The following MPHOSPH9 variants were observed in gnomAD, a reference collection of about 807,000 sequenced individuals.
The protein encoded by MPHOSPH9 is M-phase phosphoprotein 9.
In MPHOSPH9, 88 loss-of-function variants were observed where a neutral mutation model predicts 145.5. The observed-to-expected ratio is 0.60, with a 90% CI of 0.51 to 0.72. The LOEUF is 0.72. Ranked by LOEUF, MPHOSPH9 falls within the 30% of genes least tolerant of loss-of-function variation. MPHOSPH9 has a pLI of 0.00. For missense variants in MPHOSPH9, 1,238 were observed against 1,386.6 expected (o/e 0.89, Z 1.70); for synonymous variants, 435 against 486.2 (o/e 0.89, Z 1.39).
intron 17 of MPHOSPH9, 141 bp from the exon 18 acceptor site, chr12:123,165,618 A>G (rs971332772): frequency 1.2e-5 from 9 of 742,958 alleles, no homozygotes; most frequent in Admixed American, 8.3e-5. Context: ...CGAGGTAATT[A>G]GGGTTGGATG....
At chr12:123,203,460 T>C (rs2046304719) in intron 8 of MPHOSPH9, 85 bp from the exon 9 acceptor site, 9 of 1,253,712 alleles carry the variant, frequency 7.2e-6, no homozygotes, top group African/African-American at 4.5e-5. Context: ...AAAAAGATTT[T>C]TGAAAGACTT....
At chr12:123,213,437 T>G (rs887734733) in intron 7 of MPHOSPH9, among the ~76,000 whole-genome samples, 15 of 152,210 alleles carry the variant, frequency 9.9e-5, no homozygotes, top group African/African-American at 3.6e-4. Context: ...CCTCCCAGAC[T>G]CAAGCAATCT....
intron 8 of MPHOSPH9, among the ~76,000 whole-genome samples, chr12:123,204,053 C>T (rs1032328556): frequency 5.3e-5 from 8 of 152,038 alleles, no homozygotes; most frequent in African/African-American, 1.9e-4. Context: ...CCTATAATCC[C>T]AGCACTTCGG....
Position 123,173,187 on chromosome 12 carries a change from G to A in MPHOSPH9, c.2456+3501C>T, listed in dbSNP as rs145148538. ...CACCACGCCCAGCCTGCATTCACTC[G>A]AGTACCCTCTGAATGGGCTTCTACT... On this transcript the variant is annotated intron_variant, in intron 16 of 23. Transcript: ENST00000606320. Among the ~76,000 whole-genome samples the A allele has an allele frequency of 6.7e-3, 1,025 of 152,134 alleles. 7 individuals are homozygous for A. The highest frequency in any genetic ancestry group is 0.011 in the Non-Finnish European group (756 of 67,972).
At chr12:123,219,196 C>T (rs1391174744) in intron 5 of MPHOSPH9, among the ~76,000 whole-genome samples, 3 of 151,996 alleles carry the variant, frequency 2.0e-5, no homozygotes, top group Admixed American at 6.6e-5. Context: ...TGAGCCACTG[C>T]GCCCAGCCAG....
chr12:123,162,783 G>A (rs756624873), intron 20 of MPHOSPH9: 2 of 422,142 alleles, frequency 4.7e-6, no homozygotes, highest in Middle Eastern at 1.2e-3. Context: ...GCTGACAGGG[G>A]TGCTGAGGTG....
In MPHOSPH9 at chr12:123,221,596, C is replaced by CT. The variant is rs1438184995; in HGVS notation, c.647dup (p.Glu217GlyfsTer21). The CT allele has an allele frequency of 6.2e-7, 1 of 1,614,138 alleles. No individual in the cohort carries two copies. Among genetic ancestry groups the CT allele is most frequent in the Non-Finnish European group, 8.5e-7 (1 of 1,180,008 alleles). On this transcript the variant is annotated frameshift_variant, in exon 5 of 24. Coordinates refer to ENST00000606320, the MANE Select transcript of MPHOSPH9 (RefSeq NM_022782.4). LOFTEE classifies it high-confidence loss of function. ...GAACATCTATGTGCTCCATGAACTC[C>CT]TTAGGGTCTTTAGATTTGTACAGAT...
At chr12:123,170,566 G>GCCA (rs2044535058) in intron 16 of MPHOSPH9, among the ~76,000 whole-genome samples, 1 of 152,066 alleles carries the variant, frequency 6.6e-6, no homozygotes, top group Non-Finnish European at 1.5e-5. Flanking sequence ...ATAGACGTGA[G>GCCA]CCACCACACC....
intron 18 of MPHOSPH9, 80 bp from the exon 19 acceptor site, chr12:123,164,170 GTGGTTACACA>G: frequency 6.5e-7 from 1 of 1,545,096 alleles, no homozygotes; most frequent in Non-Finnish European, 8.9e-7. Flanking sequence ...TTATTAACAG[GTGGTTACACA>G]TGGTTACACA....
At position 123,162,161 on chromosome 12, in the gene MPHOSPH9, G is replaced by A; in HGVS notation, c.3087C>T (p.Thr1029=). 1 of 1,588,566 alleles carries A rather than the reference G, an allele frequency of 6.3e-7. No homozygotes were observed. The change falls in exon 21 of 24, where the codon ACC becomes ACT. Residue 1029 remains threonine, a synonymous_variant. Transcript: ENST00000606320. ...DTVPVSTLQR[T]NPRKQLQFLP... ...GAAACTGGAGTTGCTTTCTTGGATT[G>A]GTACGTTGTAATGTAGACACAGGAA...
rs766565652 is a variant in MPHOSPH9, at chr12:123,188,782, A to T, written c.2241+5604T>A. Among the ~76,000 whole-genome samples, 43 of 152,238 alleles carry T rather than the reference A, an allele frequency of 2.8e-4. 1 individual carries two copies. The highest frequency in any genetic ancestry group is 4.0e-4 in the Non-Finnish European group (27 of 68,042). On this transcript the variant is annotated intron_variant, in intron 13 of 23. Transcript: ENST00000606320. ...GGAATCGCTTGAACCTGGGAGGCAG[A>T]GGTTGCAGTGAGCCGAGATAGCGCC...
chr12:123,234,596 CA>C, upstream of MPHOSPH9, among the ~76,000 whole-genome samples: 1 of 152,066 alleles, frequency 6.6e-6, no homozygotes, highest in East Asian at 1.9e-4. Flanking sequence ...GGGGTTTTGC[CA>C]TATTGGCCAG....
intron 12 of MPHOSPH9, among the ~76,000 whole-genome samples, chr12:123,197,089 G>C (rs1394316140): frequency 7.0e-6 from 1 of 143,174 alleles, no homozygotes; most frequent in Non-Finnish European, 1.5e-5. Context: ...TGATTGTGGT[G>C]GTGGTTGCCC....
intron 13 of MPHOSPH9, among the ~76,000 whole-genome samples, chr12:123,192,690 A>G (rs2045742571): frequency 1.3e-5 from 2 of 151,044 alleles, no homozygotes; most frequent in South Asian, 2.1e-4. Flanking sequence ...ATGTAATTAC[A>G]GTATACCACC....
In MPHOSPH9 at chr12:123,181,115, T is replaced by C. The variant is rs377703399; in HGVS notation, c.2289+48A>G. ...TCAGATCCCTTGATTCCCAATCCAA[T>C]GTTTCTGCCTCTGCATGAAATCTAG... is the stretch of plus-strand genomic sequence containing the variant. On this transcript the variant is annotated intron_variant, in intron 14 of 23. Transcript: ENST00000606320. The C allele has an allele frequency of 1.7e-5, 26 of 1,523,100 alleles. 1 individual carries two copies. The highest frequency in any genetic ancestry group is 1.6e-4 in the South Asian group (14 of 88,792). The allele number at this position is 1,523,100 out of a possible 1,614,324, so 94.3% of individuals were successfully genotyped here. A position where few individuals can be genotyped will look rare whatever the true frequency, so the allele number is the denominator to read the frequency against.
intron 15 of MPHOSPH9, among the ~76,000 whole-genome samples, chr12:123,178,467 C>T (rs1308608448): frequency 6.6e-6 from 1 of 152,104 alleles, no homozygotes; most frequent in Non-Finnish European, 1.5e-5. Flanking sequence ...TACTTATATC[C>T]AAATACAAAC....
chr12:123,217,494 G>C (rs959301768), intron 6 of MPHOSPH9, among the ~76,000 whole-genome samples: 2 of 151,924 alleles, frequency 1.3e-5, no homozygotes, highest in Admixed American at 1.3e-4. Context: ...ACTTGGCCCA[G>C]CCTCAACTTT....
rs369046595 is a variant in MPHOSPH9, at chr12:123,209,447, C to T, written c.1194+609G>A. On this transcript the variant is annotated intron_variant, in intron 8 of 23. Transcript: ENST00000606320. ...TTGAGATGGAGTTGCACTCTCGTTG[C>T]CCAAGCTGGAGTGCAATGGCACAAT... 1.1e-4 allele frequency among the ~76,000 whole-genome samples: 17 copies of T among 152,086 alleles called. No individual in the cohort carries two copies. In the East Asian group the frequency reaches 2.7e-3, roughly 24 times the overall value.
Position 123,156,824 on chromosome 12 carries a change from T to A in MPHOSPH9, c.3535A>T (p.Thr1179Ser). The change falls in exon 24 of 24, where the codon ACC (threonine) becomes TCC (serine). Residue 1179 changes from threonine (T) to serine (S), a missense_variant. By Grantham distance (58) the Thr-to-Ser change is moderately conservative (BLOSUM62 1). Coordinates refer to ENST00000606320, the MANE Select transcript of MPHOSPH9 (RefSeq NM_022782.4). ...TACAAATCTCAAAGATTTGCAGAGG[T>A]GCGCAAAACATGGAATTTCTTTAGC... ...MTLKKFHVLR[T>S]SANL 4 of 1,611,712 alleles carry A rather than the reference T, an allele frequency of 2.5e-6. No individual in the cohort carries two copies. The highest frequency in any genetic ancestry group is 3.4e-6 in the Non-Finnish European group (4 of 1,178,244).
Sources: gnomAD v4.1 joint callset for allele counts (sites outside exome capture counted in the v4.1 genomes callset) on GRCh38, gnomAD v4.1.1 for gene constraint, MANE v1.5 for transcripts, NCBI Gene and HGNC (gene_info 2026-07-23, HGNC 2026-07-21) for gene names.